Variants in ZFAT observed in about 807,000 individuals in gnomAD.
ZFAT encodes the protein zinc finger and AT-hook domain containing.
ZFAT carries 64 observed loss-of-function variants against 117.7 expected under a neutral mutation model. The ratio of observed to expected loss-of-function variants is 0.54; its 90% CI spans 0.44 to 0.67. ZFAT has a LOEUF of 0.67. ZFAT is among the 30% of genes least tolerant of loss of function. The pLI is 0.00. For missense variants in ZFAT, 1,433 were observed against 1,584.5 expected (o/e 0.90, Z 1.62); for synonymous variants, 679 against 615.0 (o/e 1.10, Z -1.54).
chr8:134,770,950 C>G, the ZFAT span, among the ~76,000 whole-genome samples: 1 of 84,128 alleles, frequency 1.2e-5, no homozygotes, highest in African/African-American at 6.3e-5. Context: ...ATCTCAAAAC[C>G]CTGTCTCCTG....
intron 11 of ZFAT, among the ~76,000 whole-genome samples, chr8:134,545,262 C>T (rs1822604859): frequency 6.6e-6 from 1 of 152,182 alleles, no homozygotes; most frequent in Non-Finnish European, 1.5e-5. Flanking sequence ...CCTGTAATCC[C>T]AGCACTTTGG....
chr8:134,810,942 A>G, the ZFAT span, among the ~76,000 whole-genome samples: 1 of 151,994 alleles, frequency 6.6e-6, no homozygotes, highest in African/African-American at 2.4e-5. Flanking sequence ...CATGGGGGGG[A>G]AATCAGTAAC....
Position 134,552,919 on chromosome 8 carries a change from A to G in ZFAT, c.2976+12414T>C, listed in dbSNP as rs145632852. Among the ~76,000 whole-genome samples, 566 of 152,370 alleles carry G rather than the reference A, an allele frequency of 3.7e-3. 3 individuals are homozygous for G. The highest frequency in any genetic ancestry group is 5.6e-3 in the Non-Finnish European group (380 of 68,030). ...AATTTTGACATGCTTTCCATAAACC[A>G]GGAAAAGCTCTTGGTGCACTTGGAG... On this transcript the variant is annotated intron_variant, in intron 11 of 15. Transcript: ENST00000377838.
chr8:134,829,248 T>C, the ZFAT span, among the ~76,000 whole-genome samples: 1 of 152,234 alleles, frequency 6.6e-6, no homozygotes, highest in African/African-American at 2.4e-5. Flanking sequence ...TCTAAAAATA[T>C]GAAATTTTTG....
At chr8:134,785,271 C>T in the ZFAT span, 1 of 152,178 alleles carries the variant, frequency 6.6e-6, no homozygotes, top group Non-Finnish European at 1.5e-5. Flanking sequence ...CTTCCTTTGT[C>T]AGTTCCTGGT....
chr8:134,602,300 C>A lies in ZFAT; in HGVS notation c.1419G>T (p.Leu473=). 1 of 1,613,946 alleles carries A rather than the reference C, an allele frequency of 6.2e-7. No individual in the cohort carries two copies. The change falls in exon 6 of 16, where the codon CTG becomes CTT. Residue 473 remains leucine (L), a synonymous_variant. Transcript: ENST00000377838. The part of the protein sequence containing the change: ...CRKKFVSSIR[L]RTHIKEVHGA... The stretch of plus-strand genomic sequence containing the variant: ...CGTGCACCTCTTTGATGTGGGTGCG[C>A]AGCCTGATGGAGCTGACGAACTTCT...
At chr8:134,575,844 T>C (rs1461736128) in intron 10 of ZFAT, among the ~76,000 whole-genome samples, 1 of 152,264 alleles carries the variant, frequency 6.6e-6, no homozygotes, top group Non-Finnish European at 1.5e-5. Flanking sequence ...TTCACAGTTC[T>C]AGCATCTGTG....
intron 1 of ZFAT, among the ~76,000 whole-genome samples, chr8:134,663,857 C>G (rs912825087): frequency 6.6e-6 from 1 of 152,206 alleles, no homozygotes; most frequent in Admixed American, 6.5e-5. Flanking sequence ...CATGGTTCAG[C>G]AGGATCCACT....
At chr8:134,784,380 T>G in the ZFAT span, 1 of 152,226 alleles carries the variant, frequency 6.6e-6, no homozygotes, top group Non-Finnish European at 1.5e-5. Flanking sequence ...AGTTATGTTC[T>G]TTCAGAAGTA....
Position 134,478,859 on chromosome 8 carries a change from G to T in ZFAT, c.3493-138C>A. The T allele has an allele frequency of 7.6e-7, 1 of 1,318,328 alleles. No individual in the cohort carries two copies. Among genetic ancestry groups the T allele is most frequent in the Non-Finnish European group, 1.0e-6 (1 of 977,774 alleles). The allele number at this position is 1,318,328 out of a possible 1,614,324, so 81.7% of individuals were successfully genotyped here. A position where few individuals can be genotyped will look rare whatever the true frequency, so the allele number is the denominator to read the frequency against. On this transcript the variant is annotated intron_variant, in intron 15 of 15. Coordinates refer to ENST00000377838, the MANE Select transcript of ZFAT (RefSeq NM_020863.4). This position sits in a 1 kb window ranked among gnomAD's most constrained non-coding sequence, Gnocchi z 5.2. ...ATTCTCCACGGATCCTCTCTACCAG[G>T]CTGTGCTTGCTCTCATGCCCATTTT... is the stretch of plus-strand genomic sequence containing the variant.
intron 11 of ZFAT, among the ~76,000 whole-genome samples, chr8:134,535,010 T>A (rs1333138856): frequency 2.0e-5 from 3 of 152,118 alleles, no homozygotes; most frequent in Non-Finnish European, 2.9e-5. Flanking sequence ...TGCTCCTCCA[T>A]CCTATCTCCT....
chr8:134,818,697 T>G, the ZFAT span, among the ~76,000 whole-genome samples: 1 of 152,138 alleles, frequency 6.6e-6, no homozygotes, highest in East Asian at 1.9e-4. Context: ...TCAACCCAAA[T>G]AGATTATCAA....
chr8:134,585,988 AT>A (rs1191243045), intron 9 of ZFAT, among the ~76,000 whole-genome samples: 1 of 152,160 alleles, frequency 6.6e-6, no homozygotes, highest in South Asian at 2.1e-4. Flanking sequence ...TTTCAATTTA[AT>A]TTTTTGGGTT....
At chr8:134,660,560 A>C (rs929444103) in intron 1 of ZFAT, among the ~76,000 whole-genome samples, 6 of 152,236 alleles carry the variant, frequency 3.9e-5, no homozygotes, top group Non-Finnish European at 7.3e-5. Flanking sequence ...TAGACATGTC[A>C]CAGAACAATC....
chr8:134,808,360 C>G, the ZFAT span, among the ~76,000 whole-genome samples: 3 of 152,352 alleles, frequency 2.0e-5, no homozygotes, highest in South Asian at 6.2e-4. Context: ...TACCAGCTAG[C>G]TGTGGATTAG....
At chr8:134,524,771 G>A (rs1820908452) in intron 12 of ZFAT, among the ~76,000 whole-genome samples, 2 of 152,334 alleles carry the variant, frequency 1.3e-5, no homozygotes, top group South Asian at 4.1e-4. Context: ...TATTGCACAT[G>A]TCAGGATCAG....
At chr8:134,581,629 T>C (rs1043747674) in intron 10 of ZFAT, among the ~76,000 whole-genome samples, 1 of 152,146 alleles carries the variant, frequency 6.6e-6, no homozygotes, top group African/African-American at 2.4e-5. Context: ...TCTGTCACCC[T>C]GCCTGGAGTG....
At chr8:134,595,114 T>C (rs1826829468) in intron 7 of ZFAT, among the ~76,000 whole-genome samples, 1 of 152,154 alleles carries the variant, frequency 6.6e-6, no homozygotes, top group South Asian at 2.1e-4. Context: ...TAAATATGTA[T>C]TTAAGGAGAC....
intron 1 of ZFAT, among the ~76,000 whole-genome samples, chr8:134,674,351 C>G (rs1164019381): frequency 6.6e-6 from 1 of 152,150 alleles, no homozygotes; most frequent in Non-Finnish European, 1.5e-5. Flanking sequence ...TCCACTGGCT[C>G]GAAATTCTCA....
Sources: gnomAD v4.1 joint callset for allele counts (sites outside exome capture counted in the v4.1 genomes callset) on GRCh38, gnomAD v4.1.1 for gene constraint, Gnocchi (gnomAD v3.1) non-coding constraint, MANE v1.5 for transcripts, NCBI Gene and HGNC (gene_info 2026-07-23, HGNC 2026-07-21) for gene names.